MAP3K4: variants seen among roughly 807,000 people sequenced by gnomAD.
MAP3K4 encodes the protein mitogen-activated protein kinase kinase kinase 4, also known as MAP three kinase 1.
A neutral mutation model predicts 185.6 loss-of-function variants in MAP3K4; 67 were observed. The ratio of observed to expected loss-of-function variants is 0.36; its 90% CI spans 0.30 to 0.44. MAP3K4 has a LOEUF of 0.44. MAP3K4 is among the 20% of genes least tolerant of loss of function. The probability of loss-of-function intolerance (pLI) is 1.00; values close to 1 mark genes in which losing one functional copy is unlikely to be tolerated. For synonymous variants in MAP3K4, 702 were observed against 710.4 expected (o/e 0.99, Z 0.19); for missense variants, 1,551 against 1,995.1 (o/e 0.78, Z 4.24).
chr6:161,034,506 C>G lies in MAP3K4; in HGVS notation c.343+57C>G, dbSNP rs749621088. On this transcript the variant is annotated intron_variant, in intron 2 of 26. Coordinates refer to ENST00000392142, the MANE Select transcript of MAP3K4 (RefSeq NM_005922.4). This position sits in a 1 kb window ranked among gnomAD's most constrained non-coding sequence, Gnocchi z 4.4. The stretch of plus-strand genomic sequence containing the variant: ...GAGAGGGTATGGCACTTGATTGATT[C>G]TTTCAACAATAAAGTTAGCAATTTC... 2 of 1,340,462 alleles carry G rather than the reference C, an allele frequency of 1.5e-6. No homozygotes were observed. Among genetic ancestry groups the G allele is most frequent in the Admixed American group, 4.3e-5 (2 of 46,118 alleles). The allele number at this position is 1,340,462 out of a possible 1,614,324, so 83.0% of individuals were successfully genotyped here. A position where few individuals can be genotyped will look rare whatever the true frequency, so the allele number is the denominator to read the frequency against.
intron 1 of MAP3K4, among the ~76,000 whole-genome samples, chr6:161,010,185 A>G (rs1404504882): frequency 1.3e-5 from 2 of 152,158 alleles, no homozygotes; most frequent in East Asian, 1.9e-4. Flanking sequence ...AACTATTATC[A>G]TAGGTATTCC....
chr6:161,050,386 A>G (rs1374373697), intron 3 of MAP3K4, among the ~76,000 whole-genome samples: 2 of 152,180 alleles, frequency 1.3e-5, no homozygotes, highest in Admixed American at 6.5e-5. Context: ...TTCTTTCTCT[A>G]TCCTTTGAAG....
chr6:161,045,975 A>C (rs192161896), intron 2 of MAP3K4, among the ~76,000 whole-genome samples: 63 of 152,282 alleles, frequency 4.1e-4, no homozygotes, highest in African/African-American at 1.4e-3. Context: ...TCACGATATT[A>C]AATAATATCT....
chr6:161,091,867 T>C lies in MAP3K4; in HGVS notation c.3136-143T>C, dbSNP rs1777327279. On this transcript the variant is annotated intron_variant, in intron 12 of 26. Coordinates refer to ENST00000392142, the MANE Select transcript of MAP3K4 (RefSeq NM_005922.4). The surrounding 1 kb of genome is among the most constrained non-coding windows in gnomAD (Gnocchi z 5.5). ...TTTTGAAACACTGTACTTTCCATAA[T>C]TCTTCATACTATTCAAAATATAGAA... The C allele has an allele frequency of 2.8e-6, 2 of 707,974 alleles. No homozygotes were observed. Among genetic ancestry groups the C allele is most frequent in the East Asian group, 5.4e-5 (2 of 37,188 alleles). 43.9% of individuals were successfully genotyped at this position (707,974 alleles called of 1,614,324 possible).
intron 1 of MAP3K4, among the ~76,000 whole-genome samples, chr6:161,031,881 C>T (rs1414945177): frequency 6.6e-6 from 1 of 152,216 alleles, no homozygotes; most frequent in Non-Finnish European, 1.5e-5. Flanking sequence ...TCTGAGTTCA[C>T]ATTCCTCCTC....
At chr6:161,006,677 A>C (rs1781596641) in intron 1 of MAP3K4, among the ~76,000 whole-genome samples, 1 of 152,214 alleles carries the variant, frequency 6.6e-6, no homozygotes, top group Non-Finnish European at 1.5e-5. Context: ...AACCTATTTG[A>C]GAATATCATC....
rs745715659 is a variant in MAP3K4, at chr6:161,053,207, C to G, written c.1707+3228C>G. On this transcript the variant is annotated intron_variant, in intron 3 of 26. Coordinates refer to ENST00000392142, the MANE Select transcript of MAP3K4 (RefSeq NM_005922.4). This position sits in a 1 kb window ranked among gnomAD's most constrained non-coding sequence, Gnocchi z 4.2. Reference sequence around the variant, plus strand: ...GAGCAGGCACTTCTCATGGCTGGAGCACGGGCAGGGTGAAGGTGCTCCATT... The same window carrying G: ...GAGCAGGCACTTCTCATGGCTGGAGGACGGGCAGGGTGAAGGTGCTCCATT... Among the ~76,000 whole-genome samples, 2 of 152,148 alleles carry G rather than the reference C, an allele frequency of 1.3e-5. No homozygotes were observed. Among genetic ancestry groups the G allele is most frequent in the African/African-American group, 2.4e-5 (1 of 41,430 alleles).
chr6:161,094,707 T>C (rs1450835755), intron 15 of MAP3K4, among the ~76,000 whole-genome samples: 1 of 152,230 alleles, frequency 6.6e-6, no homozygotes, highest in Non-Finnish European at 1.5e-5. Context: ...AATTGTTGGT[T>C]TTTTAATCTT....
rs3757022 is a variant in MAP3K4 at position 161,098,929 on chromosome 6, G to A, written c.3674+502G>A. On this transcript the variant is annotated intron_variant, in intron 17 of 26. Transcript: ENST00000392142. The surrounding 1 kb of genome is among the most constrained non-coding windows in gnomAD (Gnocchi z 4.4). ...AGTTCATGGGGTTTGTATGTCATATGGAGAACAGATCAGTACTTGAGAGAA... is the reference window on the plus strand; with the variant it reads ...AGTTCATGGGGTTTGTATGTCATATAGAGAACAGATCAGTACTTGAGAGAA... 1.4e-3 allele frequency among the ~76,000 whole-genome samples: 218 copies of A among 152,312 alleles called. 2 individuals are homozygous for A. The East Asian group carries it at 0.026, about 18-fold the overall frequency.
chr6:160,993,120 CATCA>C (rs1780821052), intron 1 of MAP3K4, among the ~76,000 whole-genome samples: 1 of 152,188 alleles, frequency 6.6e-6, no homozygotes, highest in African/African-American at 2.4e-5. Flanking sequence ...TCTTGCTTGT[CATCA>C]TTCAGTTGGC....
intron 3 of MAP3K4, among the ~76,000 whole-genome samples, chr6:161,055,101 A>G (rs1157000269): frequency 1.3e-5 from 2 of 152,146 alleles, no homozygotes; most frequent in African/African-American, 2.4e-5. Flanking sequence ...CAGCCATTTC[A>G]TAATGTATCA....
rs1784093022 is a variant in MAP3K4 at position 161,053,442 on chromosome 6, T to G, written c.1707+3463T>G. ...AACTTTTAGAAGTTTTATTACTTTTTCTTCCTTGAAGCTAACTGTAAATCC... is the reference window on the plus strand; with the variant it reads ...AACTTTTAGAAGTTTTATTACTTTTGCTTCCTTGAAGCTAACTGTAAATCC... On this transcript the variant is annotated intron_variant, in intron 3 of 26. Transcript: ENST00000392142. This position sits in a 1 kb window ranked among gnomAD's most constrained non-coding sequence, Gnocchi z 4.2. 1.3e-5 allele frequency among the ~76,000 whole-genome samples: 2 copies of G among 152,246 alleles called. No homozygotes were observed. The highest frequency in any genetic ancestry group is 1.5e-5 in the Non-Finnish European group (1 of 68,038).
intron 3 of MAP3K4, among the ~76,000 whole-genome samples, chr6:161,066,643 T>C (rs1480926771): frequency 6.6e-6 from 1 of 152,192 alleles, no homozygotes; most frequent in Non-Finnish European, 1.5e-5. Flanking sequence ...TTCTGATTCT[T>C]CCCTTTAGTC....
At position 161,067,537 on chromosome 6, in the gene MAP3K4, G is replaced by C. The variant is rs960843391; in HGVS notation, c.1708-3071G>C. Among the ~76,000 whole-genome samples, 83 of 152,258 alleles carry C rather than the reference G, an allele frequency of 5.5e-4. 1 individual carries two copies. Among genetic ancestry groups the C allele is most frequent in the Non-Finnish European group, 1.0e-4 (7 of 68,010 alleles). ...TATTTTAGAAATTCTTGCCTGTTAG[G>C]GAAACCCAGGTGTGTACTAATTTAA... On this transcript the variant is annotated intron_variant, in intron 3 of 26. Transcript: ENST00000392142. The surrounding 1 kb of genome is among the most constrained non-coding windows in gnomAD (Gnocchi z 6.3).
chr6:161,028,407 G>C (rs988764918), intron 1 of MAP3K4, among the ~76,000 whole-genome samples: 1 of 152,102 alleles, frequency 6.6e-6, no homozygotes, highest in South Asian at 2.1e-4. Flanking sequence ...CTTCATTCTT[G>C]TAGCCTTTAA....
rs1012521411 is a variant in MAP3K4 at position 161,056,015 on chromosome 6, A to G, written c.1707+6036A>G. ...CATTTATATCAGTATGGACTCATAA[A>G]TGTTTGCTGTTGTTTTTACTTTGAA... On this transcript the variant is annotated intron_variant, in intron 3 of 26. Transcript: ENST00000392142. The surrounding 1 kb of genome is among the most constrained non-coding windows in gnomAD (Gnocchi z 5.4). Among the ~76,000 whole-genome samples, 6 of 152,176 alleles carry G rather than the reference A, an allele frequency of 3.9e-5. No homozygotes were observed. The highest frequency in any genetic ancestry group is 6.5e-5 in the Admixed American group (1 of 15,282).
At chr6:161,003,157 T>A (rs1415999307) in intron 1 of MAP3K4, among the ~76,000 whole-genome samples, 1 of 152,244 alleles carries the variant, frequency 6.6e-6, no homozygotes, top group Non-Finnish European at 1.5e-5. Context: ...GGTCATAAGA[T>A]ATTTAGAGTT....
At chr6:161,044,221 T>A (rs1472512135) in intron 2 of MAP3K4, among the ~76,000 whole-genome samples, 2 of 152,228 alleles carry the variant, frequency 1.3e-5, no homozygotes, top group Middle Eastern at 6.3e-3. Flanking sequence ...AGGTGTCCCA[T>A]TCATCAAGTT....
intron 3 of MAP3K4, among the ~76,000 whole-genome samples, chr6:161,065,959 A>G (rs1784694221): frequency 6.8e-6 from 1 of 146,612 alleles, no homozygotes; most frequent in African/African-American, 2.6e-5. Flanking sequence ...AAAAAAAAAG[A>G]ATATTTGCAG....
Sources: allele counts gnomAD v4.1 joint callset (sites outside exome capture counted in the v4.1 genomes callset), GRCh38; gene constraint gnomAD v4.1.1; non-coding constraint Gnocchi (gnomAD v3.1); transcripts MANE v1.5; gene names NCBI Gene and HGNC (gene_info 2026-07-23, HGNC 2026-07-21).